Variants in UGGT2 observed in about 807,000 individuals in gnomAD.
UGGT2 encodes UDP-glucose glycoprotein glucosyltransferase 2.
UGGT2 carries 180 observed loss-of-function variants against 192.1 expected under a neutral mutation model. The observed-to-expected ratio is 0.94, with a 90% CI of 0.83 to 1.06. The LOEUF is 1.06. Among genes scored for constraint, UGGT2 ranks in the 50% least tolerant of loss-of-function variants. UGGT2 has a pLI of 0.00. For missense variants in UGGT2, 1,849 were observed against 1,795.7 expected (o/e 1.03, Z -0.54); for synonymous variants, 580 against 591.0 (o/e 0.98, Z 0.27).
intron 24 of UGGT2, among the ~76,000 whole-genome samples, chr13:95,891,411 A>G (rs954837916): frequency 2.0e-5 from 3 of 152,174 alleles, no homozygotes; most frequent in African/African-American, 7.2e-5. Context: ...GTTCAGGAAC[A>G]AAAATATCCA....
In UGGT2 at chr13:96,013,517, C is replaced by A. The variant is rs184160232; in HGVS notation, c.486-36G>T. ...AGCAAAACACAAAGTTTTGAAAAAA[C>A]TGAAAGTTAATGGCATATCAATTCT... On this transcript the variant is annotated intron_variant, in intron 4 of 38. Coordinates refer to ENST00000376747, the MANE Select transcript of UGGT2 (RefSeq NM_020121.4). 31 of 1,428,006 alleles carry A rather than the reference C, an allele frequency of 2.2e-5. No homozygotes were observed. The African/African-American group carries it at 4.5e-4, about 21-fold the overall frequency. The allele number at this position is 1,428,006 out of a possible 1,614,324, so 88.5% of individuals were successfully genotyped here.
In UGGT2 at chr13:96,053,364, G is replaced by C. The variant is rs779580712; in HGVS notation, c.-52C>G. ...TCGGACCCGGTACCCACAGTCTGTG[G>C]CCGCCACGCTTCGGCCGGCTCTTCC... On this transcript the variant is annotated 5_prime_UTR_variant, in exon 1 of 39. Transcript: ENST00000376747. 1.9e-6 allele frequency: 3 copies of C among 1,547,334 alleles called. No individual in the cohort carries two copies. The highest frequency in any genetic ancestry group is 8.6e-7 in the Non-Finnish European group (1 of 1,157,952).
At chr13:95,938,587 C>T (rs1029153924) in intron 16 of UGGT2, among the ~76,000 whole-genome samples, 4 of 152,170 alleles carry the variant, frequency 2.6e-5, no homozygotes, top group Admixed American at 1.3e-4. Flanking sequence ...ACTATCTGTA[C>T]GTTTAGTGGG....
In UGGT2 at chr13:95,991,317, T is replaced by C. The variant is rs149533621; in HGVS notation, c.831-1244A>G. On this transcript the variant is annotated intron_variant, in intron 7 of 38. Transcript: ENST00000376747. ...ATTGCCACACTGTCTTCCACAACGGTTGAACTCATCTACACACACACCAAC... is the reference window on the plus strand; with the variant it reads ...ATTGCCACACTGTCTTCCACAACGGCTGAACTCATCTACACACACACCAAC... The C allele has an allele frequency of 7.9e-4, 231 of 292,058 alleles. 1 individual carries two copies. Among genetic ancestry groups the C allele is most frequent in the African/African-American group, 3.3e-3 (152 of 45,666 alleles). The allele number at this position is 292,058 out of a possible 1,614,324, so 18.1% of individuals were successfully genotyped here.
chr13:95,947,809 A>C (rs1051296712), intron 14 of UGGT2, among the ~76,000 whole-genome samples, 187 bp downstream of exon 14: 2 of 152,168 alleles, frequency 1.3e-5, no homozygotes, highest in Admixed American at 6.6e-5. Flanking sequence ...AAACAACATT[A>C]CCAGACAGAT....
At chr13:95,965,729 A>T (rs2050557442) in intron 12 of UGGT2, among the ~76,000 whole-genome samples, 1 of 152,082 alleles carries the variant, frequency 6.6e-6, no homozygotes, top group African/African-American at 2.4e-5. Context: ...GTACCCTAAA[A>T]CTTAAAAGTA....
intron 15 of UGGT2, among the ~76,000 whole-genome samples, chr13:95,942,590 A>G (rs1350530381): frequency 6.6e-6 from 1 of 152,158 alleles, no homozygotes; most frequent in Non-Finnish European, 1.5e-5. Flanking sequence ...TTTATTTACC[A>G]TTAATGCATC....
rs141234616 is a variant in UGGT2, at chr13:95,935,040, T to C, written c.1977+1884A>G. Among the ~76,000 whole-genome samples, 483 of 152,212 alleles carry C rather than the reference T, an allele frequency of 3.2e-3. 4 individuals are homozygous for C. Among genetic ancestry groups the C allele is most frequent in the African/African-American group, 0.011 (462 of 41,470 alleles). On this transcript the variant is annotated intron_variant, in intron 17 of 38. Coordinates refer to ENST00000376747, the MANE Select transcript of UGGT2 (RefSeq NM_020121.4). ...GTTTCAAGTTTGTTTTATCTAAGAA[T>C]AGCAACTCCTGGTTTTGTTTTGTTT...
Position 95,859,583 on chromosome 13 carries a change from GTACT to G in UGGT2, c.3825+4_3825+7del, listed in dbSNP as rs756652772. On this transcript the variant is annotated splice_donor_5th_base_variant and intron_variant, in intron 33 of 38. Transcript: ENST00000376747. ...TTAACCATTCTACAAAAAAAGCTAT[GTACT>G]TACTTTAAATGTCGGTGAGAGATAA... 1 of 1,600,314 alleles carries G rather than the reference GTACT, an allele frequency of 6.2e-7. No homozygotes were observed. Among genetic ancestry groups the G allele is most frequent in the Admixed American group, 1.7e-5 (1 of 59,050 alleles).
At chr13:96,012,609 A>C (rs1056680802) in intron 5 of UGGT2, among the ~76,000 whole-genome samples, 5 of 152,090 alleles carry the variant, frequency 3.3e-5, no homozygotes, top group Non-Finnish European at 5.9e-5. Context: ...ATATATTTTT[A>C]AGGTTTTAAT....
chr13:95,994,147 G>C (rs2051544899), intron 7 of UGGT2, among the ~76,000 whole-genome samples: 1 of 151,970 alleles, frequency 6.6e-6, no homozygotes. Flanking sequence ...TAAAGTTCTA[G>C]ATTCTATAAA....
chr13:95,829,092 C>A (rs140590706), intron 38 of UGGT2, among the ~76,000 whole-genome samples: 2,218 of 152,108 alleles, frequency 0.015, 57 homozygotes, highest in African/African-American at 0.051. Flanking sequence ...CAACAGATGC[C>A]GAAAAGGTCT....
At chr13:95,890,508 G>A (rs1427671684) in intron 25 of UGGT2, among the ~76,000 whole-genome samples, 1 of 152,080 alleles carries the variant, frequency 6.6e-6, no homozygotes, top group Non-Finnish European at 1.5e-5. Context: ...AATCCTATTG[G>A]ATCAGGGTCT....
At chr13:95,954,500 A>G (rs1323143156) in intron 12 of UGGT2, among the ~76,000 whole-genome samples, 1 of 152,210 alleles carries the variant, frequency 6.6e-6, no homozygotes, top group Non-Finnish European at 1.5e-5. Context: ...TTTACAATCT[A>G]TTCTTTCTGA....
At chr13:95,896,145 AC>A (rs1434368819) in intron 22 of UGGT2, among the ~76,000 whole-genome samples, 5 of 152,134 alleles carry the variant, frequency 3.3e-5, no homozygotes, top group South Asian at 2.1e-4. Context: ...AAACACGTCA[AC>A]CAGATTATTT....
chr13:95,939,886 T>G, intron 16 of UGGT2, 71 bp downstream of exon 16: 3 of 1,256,884 alleles, frequency 2.4e-6, no homozygotes, highest in Non-Finnish European at 3.3e-6. Context: ...AGATTCTACA[T>G]GAGTAGAGAT....
chr13:95,842,304 T>C (rs1276310485), intron 36 of UGGT2, among the ~76,000 whole-genome samples: 8 of 152,170 alleles, frequency 5.3e-5, no homozygotes, highest in Admixed American at 3.9e-4. Flanking sequence ...TACAAATACT[T>C]TAGGTCTGAC....
At position 95,854,489 on chromosome 13, in the gene UGGT2, A is replaced by G. The variant is rs1669967506; in HGVS notation, c.4009-14T>C. ...ATGTCTCACAATCTAAATAATTAAA[A>G]TAGACTGTCTGATAAAGACTGTAAA... On this transcript the variant is annotated splice_polypyrimidine_tract_variant and intron_variant, in intron 34 of 38. Transcript: ENST00000376747. 2 of 1,591,072 alleles carry G rather than the reference A, an allele frequency of 1.3e-6. No individual in the cohort carries two copies. Among genetic ancestry groups the G allele is most frequent in the South Asian group, 2.3e-5 (2 of 86,594 alleles).
At chr13:95,853,805 T>C in intron 35 of UGGT2, 148 bp from the exon 36 acceptor site, 1 of 517,630 alleles carries the variant, frequency 1.9e-6, no homozygotes, top group Non-Finnish European at 3.2e-6. Flanking sequence ...TTGCTCCTAA[T>C]ATCTAATACT....
Sources: allele counts gnomAD v4.1 joint callset (sites outside exome capture counted in the v4.1 genomes callset), GRCh38; gene constraint gnomAD v4.1.1; transcripts MANE v1.5; gene names NCBI Gene and HGNC (gene_info 2026-07-23, HGNC 2026-07-21).